Variants in HSD11B1L observed in about 807,000 individuals in gnomAD.
HSD11B1L encodes the protein hydroxysteroid 11-beta dehydrogenase 1 like.
In HSD11B1L, 22 loss-of-function variants were observed where a neutral mutation model predicts 27.0. The ratio of observed to expected loss-of-function variants is 0.81; its 90% CI spans 0.58 to 1.16. The LOEUF is 1.16. Ranked by LOEUF, HSD11B1L falls within the 50% of genes most tolerant of loss-of-function variation. The probability of loss-of-function intolerance (pLI) is 0.00; values close to 1 mark genes in which losing one functional copy is unlikely to be tolerated. For synonymous variants in HSD11B1L, 187 were observed against 189.2 expected (o/e 0.99, Z 0.09); for missense variants, 372 against 401.8 (o/e 0.93, Z 0.63).
At position 5,685,156 on chromosome 19, in the gene HSD11B1L, C is replaced by T. The variant is rs2054655846; in HGVS notation, c.204+37C>T. On this transcript the variant is annotated intron_variant, in intron 3 of 7. Coordinates refer to ENST00000339423, the MANE Select transcript of HSD11B1L (RefSeq NM_198706.3). This position sits in a 1 kb window ranked among gnomAD's most constrained non-coding sequence, Gnocchi z 4.3. ...CATGTCTAGATGAATGGTGGGGGTG[C>T]TCATGGGGGGTGGGAAGAGAGCCTG... 2.6e-6 allele frequency: 4 copies of T among 1,538,880 alleles called. No individual in the cohort carries two copies. The highest frequency in any genetic ancestry group is 2.4e-5 in the East Asian group (1 of 40,918).
In HSD11B1L at chr19:5,687,062, C is replaced by A; in HGVS notation, c.408+71C>A. ...ACCGGTGGTCCGTTCCCTTCGCGGT[C>A]CGGGTTCTGCCTTCTCCAGGGAGGG... is the stretch of plus-strand genomic sequence containing the variant. On this transcript the variant is annotated intron_variant, in intron 5 of 7. Coordinates refer to ENST00000339423, the MANE Select transcript of HSD11B1L (RefSeq NM_198706.3). This position sits in a 1 kb window ranked among gnomAD's most constrained non-coding sequence, Gnocchi z 6.6. 1 of 1,357,308 alleles carries A rather than the reference C, an allele frequency of 7.4e-7. No individual in the cohort carries two copies. The highest frequency in any genetic ancestry group is 1.3e-5 in the South Asian group (1 of 78,300). 84.1% of individuals were successfully genotyped at this position (1,357,308 alleles called of 1,614,324 possible).
Position 5,687,568 on chromosome 19 carries a change from G to T in HSD11B1L, c.568G>T (p.Gly190Cys), listed in dbSNP as rs2145560994. 1 of 1,599,888 alleles carries T rather than the reference G, an allele frequency of 6.3e-7. No homozygotes were observed. The highest frequency in any genetic ancestry group is 8.5e-7 in the Non-Finnish European group (1 of 1,179,444). ...AAKFALDGFFGSLRRELDVQD... is the reference protein window; with the variant it reads ...AAKFALDGFFCSLRRELDVQD... Reference sequence around the variant, plus strand: ...CAAGTTTGCGCTGGACGGCTTCTTCGGCTCCCTGCGGCGGGAGCTGGACGT... The same window carrying T: ...CAAGTTTGCGCTGGACGGCTTCTTCTGCTCCCTGCGGCGGGAGCTGGACGT... The change falls in exon 7 of 8, where the codon GGC (glycine) becomes TGC (cysteine). Residue 190 changes from glycine to cysteine, a missense_variant. By Grantham distance (159) the Gly-to-Cys change is radical. Transcript: ENST00000339423. This position sits in a 1 kb window ranked among gnomAD's most constrained non-coding sequence, Gnocchi z 6.6.
chr19:5,684,067 C>T (rs1447856449), intron 1 of HSD11B1L: 3 of 481,384 alleles, frequency 6.2e-6, no homozygotes, highest in East Asian at 3.5e-5. Flanking sequence ...CTTCTGCCTC[C>T]CAGGTTCAAG....
chr19:5,687,646 G>A lies in HSD11B1L; in HGVS notation c.646G>A (p.Ala216Thr), dbSNP rs1467530158. Reference protein sequence around the residue: ...TMCVLGLRDRASAAEAVRGVT... With the variant: ...TMCVLGLRDRTSAAEAVRGVT... ...GTGCGTCCTGGGCCTCCGAGATCGC[G>A]CCTCCGCCGCCGAGGCAGTCAGGTG... The change falls in exon 7 of 8, where the codon GCC (alanine) becomes ACC (threonine). Residue 216 changes from alanine (A) to threonine (T), a missense_variant. Transcript: ENST00000339423. This position sits in a 1 kb window ranked among gnomAD's most constrained non-coding sequence, Gnocchi z 6.6. 2 of 1,588,982 alleles carry A rather than the reference G, an allele frequency of 1.3e-6. No homozygotes were observed. The highest frequency in any genetic ancestry group is 8.5e-7 in the Non-Finnish European group (1 of 1,173,762).
At position 5,687,659 on chromosome 19, in the gene HSD11B1L, A is replaced by G. The variant is rs751157788; in HGVS notation, c.659A>G (p.Glu220Gly). Residue 220 changes from glutamate (E) to glycine (G), a missense_variant, in exon 7 of 8, where the codon GAG (glutamate) becomes GGG (glycine). Transcript: ENST00000339423. The surrounding 1 kb of genome is among the most constrained non-coding windows in gnomAD (Gnocchi z 6.6). ...LGLRDRASAA[E>G]AVRGVTRVKA... ...CTCCGAGATCGCGCCTCCGCCGCCG[A>G]GGCAGTCAGGTGAGGCCCGGACAAG... 3.8e-6 allele frequency: 6 copies of G among 1,583,706 alleles called. No homozygotes were observed. The Admixed American group carries it at 1.1e-4, about 28-fold the overall frequency.
Position 5,688,211 on chromosome 19 carries a change from C to T in HSD11B1L, c.*266C>T, listed in dbSNP as rs1485671193. ...CCATGATTGATGACGTGACTGCTTC[C>T]ATTTTGCAGATGAGGAAACTAAGGC... On this transcript the variant is annotated 3_prime_UTR_variant, in exon 8 of 8. Coordinates refer to ENST00000339423, the MANE Select transcript of HSD11B1L (RefSeq NM_198706.3). The T allele has an allele frequency of 3.2e-6, 5 of 1,540,448 alleles. No homozygotes were observed. The African/African-American group carries it at 4.1e-5, about 13-fold the overall frequency.
Position 5,687,738 on chromosome 19 carries a change from C to T in HSD11B1L, c.669-15C>T, listed in dbSNP as rs1236900608. The stretch of plus-strand genomic sequence containing the variant: ...AGCCCCAGCCGCAGTCCCCACCGTG[C>T]CCTCCTGTCCCCAGGGGAGTCACGA... On this transcript the variant is annotated splice_polypyrimidine_tract_variant and intron_variant, in intron 7 of 7. Transcript: ENST00000339423. This position sits in a 1 kb window ranked among gnomAD's most constrained non-coding sequence, Gnocchi z 6.6. 4.7e-6 allele frequency: 7 copies of T among 1,489,036 alleles called. No homozygotes were observed. The highest frequency in any genetic ancestry group is 4.9e-5 in the Admixed American group (2 of 40,438). The allele number at this position is 1,489,036 out of a possible 1,614,324, so 92.2% of individuals were successfully genotyped here.
At chr19:5,682,534 G>A (rs1332998161) in intron 1 of HSD11B1L, among the ~76,000 whole-genome samples, 6 of 152,062 alleles carry the variant, frequency 3.9e-5, no homozygotes, top group Admixed American at 6.6e-5. Flanking sequence ...ACAATACCTG[G>A]GTCTCCCATT....
intron 1 of HSD11B1L, chr19:5,684,078 C>T (rs927505011): frequency 2.9e-5 from 14 of 476,284 alleles, no homozygotes; most frequent in Admixed American, 6.8e-5. Flanking sequence ...CAGGTTCAAG[C>T]GATTCTCCTG....
rs937318091 is a variant in HSD11B1L, at chr19:5,687,457, C to T, written c.503-46C>T. The stretch of plus-strand genomic sequence containing the variant: ...GAGCCTGGAGGGTCTGGGCAGGCTT[C>T]CCGGACGAGGGGGAGCCACTCAGCC... On this transcript the variant is annotated intron_variant, in intron 6 of 7. Coordinates refer to ENST00000339423, the MANE Select transcript of HSD11B1L (RefSeq NM_198706.3). The surrounding 1 kb of genome is among the most constrained non-coding windows in gnomAD (Gnocchi z 6.6). The T allele has an allele frequency of 2.0e-5, 31 of 1,589,346 alleles. No homozygotes were observed. The highest frequency in any genetic ancestry group is 2.3e-5 in the Non-Finnish European group (27 of 1,172,620).
rs557786197 is a variant in HSD11B1L, at chr19:5,687,351, C to T, written c.478C>T (p.Leu160=). The stretch of plus-strand genomic sequence containing the variant: ...CAGCCTGACGGACAGCAAGGGCTCC[C>T]TGGTGGTGGTGTCCTCGCTGCTCGG... ...LPSLTDSKGS[L]VVVSSLLGRV... is the part of the protein sequence containing the mutation. The change falls in exon 6 of 8, where the codon CTG becomes TTG. Residue 160 remains leucine (L), a synonymous_variant. Transcript: ENST00000339423. This position sits in a 1 kb window ranked among gnomAD's most constrained non-coding sequence, Gnocchi z 6.6. 30 of 1,612,620 alleles carry T rather than the reference C, an allele frequency of 1.9e-5. No individual in the cohort carries two copies. The highest frequency in any genetic ancestry group is 1.7e-4 in the Middle Eastern group (1 of 5,950).
intron 3 of HSD11B1L, 100 bp from the exon 4 acceptor site, chr19:5,686,316 G>T (rs374652556): frequency 1.3e-6 from 1 of 779,748 alleles, no homozygotes; most frequent in Admixed American, 2.9e-5. Flanking sequence ...AGAGTAGGGG[G>T]GGGTTTTCAG....
In HSD11B1L at chr19:5,685,464, C is replaced by T. The variant is rs779450363; in HGVS notation, c.204+345C>T. 29 of 381,284 alleles carry T rather than the reference C, an allele frequency of 7.6e-5. No homozygotes were observed. The highest frequency in any genetic ancestry group is 1.3e-4 in the Non-Finnish European group (25 of 195,744). The allele number at this position is 381,284 out of a possible 1,614,324, so 23.6% of individuals were successfully genotyped here. ...TGGTGGCTCATGCCTGTAATCCTAG[C>T]ACTTTGGGAGGCCAAGGCGGATGGA... On this transcript the variant is annotated intron_variant, in intron 3 of 7. Coordinates refer to ENST00000339423, the MANE Select transcript of HSD11B1L (RefSeq NM_198706.3). The surrounding 1 kb of genome is among the most constrained non-coding windows in gnomAD (Gnocchi z 4.3).
In HSD11B1L at chr19:5,686,511, T is replaced by G; in HGVS notation, c.300T>G (p.Phe100Leu). 6.3e-7 allele frequency: 1 copy of G among 1,581,370 alleles called. No homozygotes were observed. Among genetic ancestry groups the G allele is most frequent in the South Asian group, 1.2e-5 (1 of 86,106 alleles). ...AGGCGCCCGAGAGCGTGGTGCAGTT[T>G]GCGCTGGACAAGCTGGGTGAGGGGC... ...SPEAPESVVQ[F>L]ALDKLGGLDY... The change falls in exon 4 of 8, where the codon TTT becomes TTG. Residue 100 changes from phenylalanine to leucine, a missense_variant. By Grantham distance (22) the Phe-to-Leu change is conservative. Transcript: ENST00000339423.
At position 5,687,318 on chromosome 19, in the gene HSD11B1L, G is replaced by A. The variant is rs1333857029; in HGVS notation, c.445G>A (p.Ala149Thr). ...GAGCTACGTGCAACTGACGTCGCGGGCGCTGCCCAGCCTGACGGACAGCAA... is the reference window on the plus strand; with the variant it reads ...GAGCTACGTGCAACTGACGTCGCGGACGCTGCCCAGCCTGACGGACAGCAA... ...FVSYVQLTSR[A>T]LPSLTDSKGS... Residue 149 changes from alanine (A) to threonine (T), a missense_variant, in exon 6 of 8, where the codon GCG becomes ACG. Transcript: ENST00000339423. The surrounding 1 kb of genome is among the most constrained non-coding windows in gnomAD (Gnocchi z 6.6). 6.2e-7 allele frequency: 1 copy of A among 1,612,902 alleles called. No homozygotes were observed. The highest frequency in any genetic ancestry group is 8.5e-7 in the Non-Finnish European group (1 of 1,179,796).
rs1334026478 is a variant in HSD11B1L, at chr19:5,687,893, C to T, written c.809C>T (p.Pro270Leu). The T allele has an allele frequency of 5.1e-6, 8 of 1,579,426 alleles. No individual in the cohort carries two copies. Among genetic ancestry groups the T allele is most frequent in the Non-Finnish European group, 5.2e-6 (6 of 1,163,118 alleles). Reference sequence around the variant, plus strand: ...TTGCTCCGGCGCTGGCTACCGCGCCCGCGGGCCTGGTTTATCCGCCAGGAG... The same window carrying T: ...TTGCTCCGGCGCTGGCTACCGCGCCTGCGGGCCTGGTTTATCCGCCAGGAG... ...LCLLRRWLPR[P>L]RAWFIRQELN... is the part of the protein sequence containing the mutation. The change falls in exon 8 of 8, where the codon CCG (proline) becomes CTG (leucine). Residue 270 changes from proline to leucine, a missense_variant. Pro to Leu is a moderately conservative substitution (Grantham distance 98, BLOSUM62 -3). Transcript: ENST00000339423. This position sits in a 1 kb window ranked among gnomAD's most constrained non-coding sequence, Gnocchi z 6.6.
chr19:5,684,749 A>AC, intron 1 of HSD11B1L, 70 bp from the exon 2 acceptor site: 2 of 1,605,868 alleles, frequency 1.2e-6, no homozygotes, highest in South Asian at 2.2e-5. Flanking sequence ...GCATCACCAA[A>AC]CACCCACCAA....
intron 1 of HSD11B1L, 184 bp from the exon 2 acceptor site, chr19:5,684,635 G>A (rs948046062): frequency 1.3e-6 from 1 of 784,574 alleles, no homozygotes; most frequent in Non-Finnish European, 2.0e-6. Flanking sequence ...GGAGGGTGCA[G>A]GTGCGGTGGT....
rs769533807 is a variant in HSD11B1L, at chr19:5,686,481, C to G, written c.270C>G (p.Ser90=). The change falls in exon 4 of 8, where the codon TCC becomes TCG. Residue 90 remains serine, a synonymous_variant. Transcript: ENST00000339423. ...TCTACATCGCGGCGGACATGGCCTCCCCTGAGGCGCCCGAGAGCGTGGTGC... is the reference window on the plus strand; with the variant it reads ...TCTACATCGCGGCGGACATGGCCTCGCCTGAGGCGCCCGAGAGCGTGGTGC... ...KVFYIAADMA[S]PEAPESVVQF... 6.3e-7 allele frequency: 1 copy of G among 1,586,410 alleles called. No individual in the cohort carries two copies. The highest frequency in any genetic ancestry group is 8.6e-7 in the Non-Finnish European group (1 of 1,168,258).
Sources: allele counts gnomAD v4.1 joint callset (sites outside exome capture counted in the v4.1 genomes callset), GRCh38; gene constraint gnomAD v4.1.1; non-coding constraint Gnocchi (gnomAD v3.1); transcripts MANE v1.5; gene names NCBI Gene and HGNC (gene_info 2026-07-23, HGNC 2026-07-21).